Variants in JMY observed in about 807,000 individuals in gnomAD.
JMY encodes the protein junction mediating and regulatory protein, p53 cofactor.
In JMY, 46 loss-of-function variants were observed where a neutral mutation model predicts 103.3. That is an observed-to-expected ratio of 0.45 (90% CI 0.35 to 0.57). The LOEUF (loss-of-function observed/expected upper bound fraction) is 0.57. Among genes scored for constraint, JMY ranks in the 20% least tolerant of loss-of-function variants. The pLI is 0.00. For missense variants in JMY, 1,238 were observed against 1,255.2 expected (o/e 0.99, Z 0.21); for synonymous variants, 526 against 489.3 (o/e 1.07, Z -0.99).
chr5:79,272,462 A>G (rs1319635699), intron 1 of JMY, among the ~76,000 whole-genome samples: 3 of 151,990 alleles, frequency 2.0e-5, no homozygotes, highest in African/African-American at 4.8e-5. Context: ...AGAGGTATGT[A>G]TATGAAAATA....
At position 79,324,994 on chromosome 5, in the gene JMY, T is replaced by G. The variant is rs1312432632; in HGVS notation, c.*3392T>G. ...TTTATATCACAGAATGTGTGTCAAGTTGCAAAGCATACTTGGGCCATAGTA... is the reference window on the plus strand; with the variant it reads ...TTTATATCACAGAATGTGTGTCAAGGTGCAAAGCATACTTGGGCCATAGTA... On this transcript the variant is annotated 3_prime_UTR_variant, in exon 11 of 11. Coordinates refer to ENST00000396137, the MANE Select transcript of JMY (RefSeq NM_152405.5). 6.5e-6 allele frequency: 1 copy of G among 152,706 alleles called. No homozygotes were observed. The highest frequency in any genetic ancestry group is 1.5e-5 in the Non-Finnish European group (1 of 68,034). 9.5% of individuals were successfully genotyped at this position (152,706 alleles called of 1,614,324 possible).
intron 1 of JMY, among the ~76,000 whole-genome samples, chr5:79,257,932 T>G (rs1280803247): frequency 1.3e-5 from 2 of 152,002 alleles, no homozygotes; most frequent in Non-Finnish European, 2.9e-5. Flanking sequence ...CTGGCTAATT[T>G]TTGTGTTTTT....
At chr5:79,239,099 TC>T (rs1340618425) in intron 1 of JMY, among the ~76,000 whole-genome samples, 1 of 152,226 alleles carries the variant, frequency 6.6e-6, no homozygotes, top group African/African-American at 2.4e-5. Flanking sequence ...TAGATATTTT[TC>T]TTTATTAGAT....
intron 1 of JMY, among the ~76,000 whole-genome samples, chr5:79,260,067 TC>T (rs1375714848): frequency 6.6e-6 from 1 of 152,184 alleles, no homozygotes; most frequent in African/African-American, 2.4e-5. Context: ...CATTGCAGTG[TC>T]TCCCAGGACA....
At chr5:79,255,843 C>T (rs1298207257) in intron 1 of JMY, among the ~76,000 whole-genome samples, 1 of 152,250 alleles carries the variant, frequency 6.6e-6, no homozygotes, top group Non-Finnish European at 1.5e-5. Flanking sequence ...ACAAGCACTC[C>T]TGTGGCCATC....
intron 1 of JMY, among the ~76,000 whole-genome samples, chr5:79,271,191 A>T (rs376032259): frequency 1.0e-4 from 14 of 138,728 alleles, no homozygotes; most frequent in African/African-American, 2.4e-4. Context: ...ACACCTGGCT[A>T]TTTTTTTTTT....
intron 1 of JMY, among the ~76,000 whole-genome samples, chr5:79,269,346 A>T (rs1745675456): frequency 6.6e-6 from 1 of 152,184 alleles, no homozygotes; most frequent in East Asian, 1.9e-4. Context: ...TGACTACTGT[A>T]GCTTTAGAGT....
At chr5:79,260,684 C>A (rs1450437507) in intron 1 of JMY, among the ~76,000 whole-genome samples, 4 of 151,946 alleles carry the variant, frequency 2.6e-5, no homozygotes, top group African/African-American at 9.7e-5. Flanking sequence ...AGCGACCACA[C>A]CTGGCCCCAG....
At chr5:79,300,112 C>T (rs747245454) in intron 4 of JMY, 41 bp from the exon 5 acceptor site, 2 of 1,583,518 alleles carry the variant, frequency 1.3e-6, no homozygotes, top group Admixed American at 1.7e-5. Context: ...TTTTCTTGTC[C>T]CCACCAGCTA....
At position 79,321,705 on chromosome 5, in the gene JMY, C is replaced by T. The variant is rs1267418972; in HGVS notation, c.*103C>T. On this transcript the variant is annotated 3_prime_UTR_variant, in exon 11 of 11. Coordinates refer to ENST00000396137, the MANE Select transcript of JMY (RefSeq NM_152405.5). ...TTCCTCAGTTGGATAACATTAGATC[C>T]AAAGTTCATTGGTTCAGTGGTGTGA... The T allele has an allele frequency of 6.6e-6, 1 of 152,050 alleles. No individual in the cohort carries two copies. The highest frequency in any genetic ancestry group is 2.4e-5 in the African/African-American group (1 of 41,410). 9.4% of individuals were successfully genotyped at this position (152,050 alleles called of 1,614,324 possible). A position where few individuals can be genotyped will look rare whatever the true frequency, so the allele number is the denominator to read the frequency against.
At position 79,258,386 on chromosome 5, in the gene JMY, G is replaced by C. The variant is rs75624160; in HGVS notation, c.1033-19524G>C. Among the ~76,000 whole-genome samples, 672 of 143,822 alleles carry C rather than the reference G, an allele frequency of 4.7e-3. 42 individuals carry two copies. In the East Asian group the frequency reaches 0.12, roughly 25 times the overall value. 94.4% of individuals were successfully genotyped at this position (143,822 alleles called of 152,430 possible). ...GGTGTTACGGGATCCTTGGGGTGTC[G>C]CCTCACCAGCCAGAAACTTGTGTGG... On this transcript the variant is annotated intron_variant, in intron 1 of 10. Transcript: ENST00000396137.
At chr5:79,279,283 G>A (rs889561805) in intron 2 of JMY, among the ~76,000 whole-genome samples, 22 of 151,884 alleles carry the variant, frequency 1.4e-4, no homozygotes, top group African/African-American at 3.4e-4. Flanking sequence ...GCAGTGAGCC[G>A]AGATTGCACC....
intron 1 of JMY, among the ~76,000 whole-genome samples, chr5:79,250,887 T>A (rs182982177): frequency 5.9e-5 from 9 of 152,180 alleles, no homozygotes; most frequent in Non-Finnish European, 1.3e-4. Context: ...CTTTGCAAAG[T>A]CTAACCATAA....
intron 1 of JMY, among the ~76,000 whole-genome samples, chr5:79,243,975 A>T (rs1744816288): frequency 6.6e-6 from 1 of 151,240 alleles, no homozygotes; most frequent in Non-Finnish European, 1.5e-5. Context: ...TGCCCAGTCC[A>T]CCAGAGATTT....
rs994962196 is a variant in JMY at position 79,322,216 on chromosome 5, A to G, written c.*614A>G. ...AAGCTGCATTTATGGAGATACATCT[A>G]TTAATATGTTCACAACATGATACAT... On this transcript the variant is annotated 3_prime_UTR_variant, in exon 11 of 11. Coordinates refer to ENST00000396137, the MANE Select transcript of JMY (RefSeq NM_152405.5). 2 of 152,244 alleles carry G rather than the reference A, an allele frequency of 1.3e-5. No homozygotes were observed. The highest frequency in any genetic ancestry group is 4.8e-5 in the African/African-American group (2 of 41,472). The allele number at this position is 152,244 out of a possible 1,614,324, so 9.4% of individuals were successfully genotyped here. A position where few individuals can be genotyped will look rare whatever the true frequency, so the allele number is the denominator to read the frequency against.
chr5:79,267,728 T>C (rs558830504), intron 1 of JMY, among the ~76,000 whole-genome samples: 2 of 152,362 alleles, frequency 1.3e-5, no homozygotes, highest in South Asian at 2.1e-4. Flanking sequence ...TCATTTCTTT[T>C]TCTTGCCGAA....
intron 10 of JMY, among the ~76,000 whole-genome samples, chr5:79,318,800 A>G (rs1417642593): frequency 4.7e-5 from 1 of 21,422 alleles, no homozygotes. Flanking sequence ...AGAGAGAGAG[A>G]GAGGGATGCA....
chr5:79,294,681 A>G (rs933574750), intron 4 of JMY, among the ~76,000 whole-genome samples: 1 of 152,004 alleles, frequency 6.6e-6, no homozygotes, highest in African/African-American at 2.4e-5. Flanking sequence ...AGATGACGAA[A>G]TTCTGTCTCC....
chr5:79,314,922 C>T (rs770904590), intron 9 of JMY, 71 bp downstream of exon 9: 46 of 1,362,312 alleles, frequency 3.4e-5, no homozygotes, highest in Non-Finnish European at 4.1e-5. Context: ...TATTTTTTGA[C>T]GTTGCAAAGC....
Sources: allele counts gnomAD v4.1 joint callset (sites outside exome capture counted in the v4.1 genomes callset), GRCh38; gene constraint gnomAD v4.1.1; transcripts MANE v1.5; gene names NCBI Gene and HGNC (gene_info 2026-07-23, HGNC 2026-07-21).